GLDN: variants seen among roughly 807,000 people sequenced by gnomAD.
The protein encoded by GLDN is collomin.
GLDN carries 47 observed loss-of-function variants against 56.5 expected under a neutral mutation model. The ratio of observed to expected loss-of-function variants is 0.83; its 90% CI spans 0.66 to 1.06. The LOEUF (loss-of-function observed/expected upper bound fraction) is 1.06, where lower values mean the gene tolerates loss of function less well. GLDN is among the 50% of genes least tolerant of loss of function. The probability of loss-of-function intolerance (pLI) is 0.00; values close to 1 mark genes in which losing one functional copy is unlikely to be tolerated. For missense variants in GLDN, 782 were observed against 714.3 expected, an observed-to-expected ratio of 1.09 and a Z score of -1.08; for synonymous variants, 332 against 278.8, an observed-to-expected ratio of 1.19 and a Z score of -1.90.
intron 2 of GLDN, among the ~76,000 whole-genome samples, chr15:51,382,567 A>G (rs1413166981): frequency 6.6e-6 from 1 of 151,672 alleles, no homozygotes; most frequent in Non-Finnish European, 1.5e-5. Flanking sequence ...AATACATAAA[A>G]AAAAAAAAAT....
chr15:51,409,758 C>A (rs1330197982), downstream of GLDN, among the ~76,000 whole-genome samples: 2 of 152,214 alleles, frequency 1.3e-5, no homozygotes, highest in African/African-American at 4.8e-5. Flanking sequence ...ATGACTAATT[C>A]ACCCCACGTG....
At chr15:51,343,524 G>A (rs142602419) in intron 1 of GLDN, among the ~76,000 whole-genome samples, 1 of 152,128 alleles carries the variant, frequency 6.6e-6, no homozygotes, top group Non-Finnish European at 1.5e-5. Flanking sequence ...AACCTATTCC[G>A]TCACTAACAA....
At chr15:51,388,200 C>G (rs1038258668) in intron 4 of GLDN, among the ~76,000 whole-genome samples, 1 of 152,200 alleles carries the variant, frequency 6.6e-6, no homozygotes, top group African/African-American at 2.4e-5. Context: ...ATCCCCTGCT[C>G]TTTTGAAATA....
rs764353165 is a variant in GLDN, at chr15:51,401,561, G to A, written c.1028-32G>A. On this transcript the variant is annotated intron_variant, in intron 8 of 9. Coordinates refer to ENST00000335449, the MANE Select transcript of GLDN (RefSeq NM_181789.4). Reference sequence around the variant, plus strand: ...CCCAAGCTGTGATTGCTGGAGGTAGGTAACAGCCTCTCCCTGGCTTCCCTC... The same window carrying A: ...CCCAAGCTGTGATTGCTGGAGGTAGATAACAGCCTCTCCCTGGCTTCCCTC... The A allele has an allele frequency of 6.9e-6, 11 of 1,597,366 alleles. 1 individual carries two copies. The South Asian group carries it at 1.0e-4, about 15-fold the overall frequency.
intron 2 of GLDN, 60 bp downstream of exon 2, chr15:51,377,560 G>A (rs960849593): frequency 9.0e-6 from 12 of 1,340,658 alleles, no homozygotes; most frequent in African/African-American, 5.8e-5. Flanking sequence ...CTGAAGGCCC[G>A]TGGCAGAATG....
At position 51,341,831 on chromosome 15, in the gene GLDN, G is replaced by T. The variant is rs1442408994; in HGVS notation, c.147G>T (p.Arg49=). The T allele has an allele frequency of 6.6e-7, 1 of 1,518,962 alleles. No homozygotes were observed. Among genetic ancestry groups the T allele is most frequent in the African/African-American group, 1.4e-5 (1 of 70,190 alleles). 94.1% of individuals were successfully genotyped at this position (1,518,962 alleles called of 1,614,324 possible). A position where few individuals can be genotyped will look rare whatever the true frequency, so the allele number is the denominator to read the frequency against. ...GGCGCGGGCTGAGCTCGGCGCTGCGGGCTTTGGAGGCGCAGCGGGGCCGGG... is the reference window on the plus strand; with the variant it reads ...GGCGCGGGCTGAGCTCGGCGCTGCGTGCTTTGGAGGCGCAGCGGGGCCGGG... The part of the protein sequence containing the change: ...CQWRGLSSAL[R]ALEAQRGREQ... The change falls in exon 1 of 10, where the codon CGG becomes CGT. Residue 49 remains arginine (R), a synonymous_variant. Transcript: ENST00000335449.
chr15:51,342,106 G>A, intron 1 of GLDN, 59 bp downstream of exon 1: 1 of 1,578,954 alleles, frequency 6.3e-7, no homozygotes, highest in South Asian at 1.1e-5. Flanking sequence ...GGGGGTGTGG[G>A]GCGAGGACGC....
downstream of GLDN, among the ~76,000 whole-genome samples, chr15:51,408,496 T>C (rs1378580147): frequency 1.3e-5 from 2 of 152,236 alleles, no homozygotes; most frequent in Admixed American, 6.5e-5. Context: ...TTGTTACTTT[T>C]ATTGTTCCTC....
chr15:51,358,115 T>C (rs889087388), intron 1 of GLDN, among the ~76,000 whole-genome samples: 2 of 152,192 alleles, frequency 1.3e-5, no homozygotes, highest in Non-Finnish European at 2.9e-5. Context: ...CGATTAAAAC[T>C]GTAGAACTTC....
chr15:51,401,897 A>T (rs2038260620), intron 9 of GLDN, among the ~76,000 whole-genome samples, 154 bp downstream of exon 9: 1 of 152,158 alleles, frequency 6.6e-6, no homozygotes, highest in South Asian at 2.1e-4. Context: ...GACTGAATGA[A>T]TCACAGGATA....
intron 5 of GLDN, 66 bp from the exon 6 acceptor site, chr15:51,397,404 C>G: frequency 4.0e-5 from 23 of 574,966 alleles, no homozygotes; most frequent in South Asian, 1.4e-4. Context: ...CCTTCTCTGT[C>G]CCTCTCTCCC....
chr15:51,386,914 C>T (rs576929161), intron 4 of GLDN, among the ~76,000 whole-genome samples: 11 of 152,252 alleles, frequency 7.2e-5, no homozygotes, highest in African/African-American at 2.4e-4. Flanking sequence ...TCGTGGACTC[C>T]GCATGGGATG....
chr15:51,403,978 T>G (rs2141137832), intron 9 of GLDN, among the ~76,000 whole-genome samples: 1 of 152,324 alleles, frequency 6.6e-6, no homozygotes, highest in South Asian at 2.1e-4. Flanking sequence ...GGGGGTCACA[T>G]GGCTAGTAAG....
intron 8 of GLDN, among the ~76,000 whole-genome samples, chr15:51,401,005 G>A (rs976697988): frequency 8.5e-5 from 13 of 152,192 alleles, no homozygotes; most frequent in African/African-American, 3.1e-4. Flanking sequence ...CCAAAGAGAT[G>A]TGGTCAGGAA....
downstream of GLDN, among the ~76,000 whole-genome samples, chr15:51,410,021 A>C (rs1488665748): frequency 6.6e-6 from 1 of 152,188 alleles, no homozygotes; most frequent in African/African-American, 2.4e-5. Flanking sequence ...ACACACGCCC[A>C]AGTCCAGCAC....
intron 1 of GLDN, among the ~76,000 whole-genome samples, chr15:51,369,584 A>G (rs982454109): frequency 1.3e-5 from 2 of 152,258 alleles, no homozygotes; most frequent in African/African-American, 4.8e-5. Context: ...GAGAGCAGCC[A>G]GCCAAACACT....
intron 5 of GLDN, among the ~76,000 whole-genome samples, chr15:51,396,057 C>T (rs2038121342): frequency 6.6e-6 from 1 of 152,182 alleles, no homozygotes; most frequent in South Asian, 2.1e-4. Context: ...CCACAGACCC[C>T]ACCTCCAACA....
intron 2 of GLDN, among the ~76,000 whole-genome samples, chr15:51,381,965 C>T (rs1462969913): frequency 6.6e-6 from 1 of 152,208 alleles, no homozygotes; most frequent in Non-Finnish European, 1.5e-5. Flanking sequence ...ATACCATCTA[C>T]ACCTCCTGGT....
At chr15:51,384,862 C>G (rs1350439862) in intron 4 of GLDN, 1 of 152,344 alleles carries the variant, frequency 6.6e-6, no homozygotes, top group African/African-American at 2.4e-5. Context: ...CCCAAACTCA[C>G]TTGGACTGGC....
Sources: allele counts gnomAD v4.1 joint callset (sites outside exome capture counted in the v4.1 genomes callset), GRCh38; gene constraint gnomAD v4.1.1; transcripts MANE v1.5; gene names NCBI Gene and HGNC (gene_info 2026-07-23, HGNC 2026-07-21).